Variants in LMBRD1 observed in about 807,000 individuals in gnomAD.
The protein encoded by LMBRD1 is lysosomal cobalamin transport escort protein LMBD1.
LMBRD1 carries 64 observed loss-of-function variants against 74.8 expected under a neutral mutation model. The observed-to-expected ratio is 0.86, with a 90% CI of 0.70 to 1.05. The LOEUF (loss-of-function observed/expected upper bound fraction) is 1.05. LMBRD1 is among the 50% of genes least tolerant of loss of function. LMBRD1 has a pLI of 0.00. For missense variants in LMBRD1, 652 were observed against 645.9 expected (o/e 1.01, Z -0.10); for synonymous variants, 204 against 216.3 (o/e 0.94, Z 0.50).
At chr6:69,729,944 G>T (rs192065094) in intron 7 of LMBRD1, among the ~76,000 whole-genome samples, 1 of 139,254 alleles carries the variant, frequency 7.2e-6, no homozygotes. Context: ...TGAACTTCAC[G>T]AACTTCACTT....
At position 69,773,706 on chromosome 6, in the gene LMBRD1, G is replaced by T. The variant is rs565335673; in HGVS notation, c.307+6788C>A. 3.8e-4 allele frequency among the ~76,000 whole-genome samples: 58 copies of T among 152,174 alleles called. 1 individual carries two copies. In the South Asian group the frequency reaches 0.011, roughly 28 times the overall value. ...ACCTAATAAACTGGGATTTTTCTAT[G>T]AACATCCATACAATGGAAAACAATG... On this transcript the variant is annotated intron_variant, in intron 3 of 15. Coordinates refer to ENST00000649934, the MANE Select transcript of LMBRD1 (RefSeq NM_018368.4).
intron 7 of LMBRD1, among the ~76,000 whole-genome samples, chr6:69,736,891 A>G (rs1221627732): frequency 6.6e-6 from 1 of 152,190 alleles, no homozygotes; most frequent in African/African-American, 2.4e-5. Context: ...ATTCTGTGAG[A>G]TAGAAGGATA....
intron 5 of LMBRD1, among the ~76,000 whole-genome samples, chr6:69,742,493 A>G (rs1767126189): frequency 1.3e-5 from 2 of 152,254 alleles, no homozygotes; most frequent in South Asian, 4.1e-4. Flanking sequence ...CTGCTCTATG[A>G]TCTTAGACTG....
intron 2 of LMBRD1, among the ~76,000 whole-genome samples, chr6:69,782,079 G>A (rs537717178): frequency 6.6e-6 from 1 of 152,310 alleles, no homozygotes; most frequent in East Asian, 1.9e-4. Flanking sequence ...CCAAAATGTG[G>A]AGGGAAAGCC....
chr6:69,682,260 G>A (rs1765678748), intron 14 of LMBRD1, among the ~76,000 whole-genome samples: 1 of 151,852 alleles, frequency 6.6e-6, no homozygotes, highest in African/African-American at 2.4e-5. Flanking sequence ...AAGGGGAAGA[G>A]AACTGATGAA....
intron 4 of LMBRD1, among the ~76,000 whole-genome samples, chr6:69,751,573 C>T (rs1765153828): frequency 6.6e-6 from 1 of 152,190 alleles, no homozygotes; most frequent in Non-Finnish European, 1.5e-5. Flanking sequence ...GGTGATCCGC[C>T]CGCCTCGGCC....
In LMBRD1 at chr6:69,736,058, G is replaced by A. The variant is rs149201264; in HGVS notation, c.636+1884C>T. ...GAAACTATTCCTGATCTTTACAGTA[G>A]TCTCAGCCTCTACTACTGTCTATCT... On this transcript the variant is annotated intron_variant, in intron 7 of 15. Transcript: ENST00000649934. Among the ~76,000 whole-genome samples the A allele has an allele frequency of 3.5e-3, 531 of 152,146 alleles. 1 individual carries two copies. Among genetic ancestry groups the A allele is most frequent in the African/African-American group, 0.012 (513 of 41,504 alleles).
intron 2 of LMBRD1, among the ~76,000 whole-genome samples, chr6:69,786,727 C>A (rs1202388625): frequency 1.3e-5 from 2 of 152,088 alleles, no homozygotes; most frequent in African/African-American, 2.4e-5. Context: ...TTATAATATA[C>A]CCCTGCCATA....
intron 9 of LMBRD1, among the ~76,000 whole-genome samples, chr6:69,711,075 T>C (rs891714462): frequency 1.3e-4 from 19 of 151,906 alleles, no homozygotes; most frequent in African/African-American, 4.4e-4. Flanking sequence ...CAAGGGTGAG[T>C]GAATAAACAA....
At chr6:69,681,591 T>A (rs1277397546) in intron 14 of LMBRD1, among the ~76,000 whole-genome samples, 1 of 148,024 alleles carries the variant, frequency 6.8e-6, no homozygotes, top group Admixed American at 6.8e-5. Flanking sequence ...ACTCTATATT[T>A]GCATTTTATA....
intron 7 of LMBRD1, among the ~76,000 whole-genome samples, chr6:69,731,602 T>A (rs894692885): frequency 6.6e-6 from 1 of 152,108 alleles, no homozygotes; most frequent in African/African-American, 2.4e-5. Flanking sequence ...TATTGTAAAA[T>A]AGGCTTGGTG....
At chr6:69,783,667 A>G (rs1765885392) in intron 2 of LMBRD1, among the ~76,000 whole-genome samples, 1 of 152,192 alleles carries the variant, frequency 6.6e-6, no homozygotes, top group Admixed American at 6.5e-5. Flanking sequence ...TACCTGGACT[A>G]AAAGGATTTT....
chr6:69,753,112 A>G (rs766605553), intron 3 of LMBRD1, among the ~76,000 whole-genome samples: 29 of 152,192 alleles, frequency 1.9e-4, no homozygotes, highest in Non-Finnish European at 4.0e-4. Context: ...TTTAAAAAAA[A>G]TGTTAGATTT....
At chr6:69,737,566 T>C (rs1206593583) in intron 7 of LMBRD1, among the ~76,000 whole-genome samples, 2 of 150,590 alleles carry the variant, frequency 1.3e-5, no homozygotes, top group African/African-American at 4.9e-5. Flanking sequence ...TCTATTAATA[T>C]GCTTATATTA....
intron 1 of LMBRD1, among the ~76,000 whole-genome samples, chr6:69,792,386 T>G (rs1582170558): frequency 6.6e-6 from 1 of 152,242 alleles, no homozygotes; most frequent in African/African-American, 2.4e-5. Flanking sequence ...CTGCCTTTTC[T>G]AGAATATCAT....
intron 3 of LMBRD1, among the ~76,000 whole-genome samples, chr6:69,764,964 G>A (rs763856038): frequency 8.8e-5 from 13 of 148,248 alleles, no homozygotes; most frequent in Middle Eastern, 3.2e-3. Context: ...GAGTCTTGCT[G>A]TGTGACCCAG....
intron 9 of LMBRD1, among the ~76,000 whole-genome samples, chr6:69,709,816 T>C (rs1019275634): frequency 6.6e-6 from 1 of 152,158 alleles, no homozygotes; most frequent in Non-Finnish European, 1.5e-5. Flanking sequence ...AAAAAATACT[T>C]AGAGGTAAAT....
rs150559067 is a variant in LMBRD1 at position 69,742,471 on chromosome 6, G to C, written c.474-594C>G. 2.6e-3 allele frequency among the ~76,000 whole-genome samples: 398 copies of C among 152,194 alleles called. 2 individuals are homozygous for C. The highest frequency in any genetic ancestry group is 9.0e-3 in the African/African-American group (373 of 41,542). On this transcript the variant is annotated intron_variant, in intron 5 of 15. Transcript: ENST00000649934. ...ACTGTAGAAATAATAGAGACAGCTA[G>C]CATCCTAGGACCTGCTCTATGATCT...
At chr6:69,708,929 T>C (rs776351596) in intron 9 of LMBRD1, among the ~76,000 whole-genome samples, 3 of 152,122 alleles carry the variant, frequency 2.0e-5, no homozygotes, top group Non-Finnish European at 4.4e-5. Context: ...GACTTGAATG[T>C]TAATGTTTAA....
Sources: gnomAD v4.1 joint callset for allele counts (sites outside exome capture counted in the v4.1 genomes callset) on GRCh38, gnomAD v4.1.1 for gene constraint, MANE v1.5 for transcripts, NCBI Gene and HGNC (gene_info 2026-07-23, HGNC 2026-07-21) for gene names.